The following ZMYM1 variants were observed in gnomAD, a reference collection of about 807,000 sequenced individuals.
ZMYM1 encodes zinc finger MYM-type protein 1.
In ZMYM1, 39 loss-of-function variants were observed where a neutral mutation model predicts 60.0. The observed-to-expected ratio is 0.65, with a 90% CI of 0.50 to 0.85. The LOEUF (loss-of-function observed/expected upper bound fraction) is 0.85, where lower values mean the gene tolerates loss of function less well. Ranked by LOEUF, ZMYM1 falls within the 40% of genes least tolerant of loss-of-function variation. The pLI is 0.00. For synonymous variants in ZMYM1, 413 were observed against 454.0 expected (o/e 0.91, Z 1.15); for missense variants, 1,171 against 1,309.5 (o/e 0.89, Z 1.63).
chr1:35,079,884 G>A (rs1189494305), intron 1 of ZMYM1, among the ~76,000 whole-genome samples: 2 of 152,208 alleles, frequency 1.3e-5, no homozygotes, highest in Admixed American at 6.5e-5. Flanking sequence ...GGCCCAGGCG[G>A]GCGGATCTCT....
At chr1:35,112,582 A>T (rs201299137) in intron 9 of ZMYM1, among the ~76,000 whole-genome samples, 45 of 144,268 alleles carry the variant, frequency 3.1e-4, no homozygotes, top group Middle Eastern at 3.6e-3. Flanking sequence ...ATATATTATA[A>T]TGTATATTTA....
chr1:35,107,001 A>C (rs1422698000), intron 6 of ZMYM1, among the ~76,000 whole-genome samples: 1 of 151,538 alleles, frequency 6.6e-6, no homozygotes, highest in African/African-American at 2.4e-5. Context: ...ACAGGTGCCC[A>C]CCACCACGTC....
chr1:35,117,054 A>G (rs371664507), downstream of ZMYM1, among the ~76,000 whole-genome samples: 13 of 146,406 alleles, frequency 8.9e-5, no homozygotes, highest in Non-Finnish European at 4.5e-5. Flanking sequence ...CGTGGTCTCG[A>G]TCTCCTGACC....
At chr1:35,087,110 G>A (rs1363526343) in intron 1 of ZMYM1, among the ~76,000 whole-genome samples, 1 of 145,368 alleles carries the variant, frequency 6.9e-6, no homozygotes, top group Non-Finnish European at 1.5e-5. Context: ...TCCTGTCTCA[G>A]CCTCCCAAGA....
chr1:35,094,023 G>A lies in ZMYM1; in HGVS notation c.36G>A (p.Lys12=). ...KEPLLGGECD[K]AVASQLGLLD... ...CACTTTTAGGTGGTGAGTGTGACAA[G>A]GCAGTGGCATCACAGCTGGGGCTGC... The change falls in exon 2 of 10, where the codon AAG becomes AAA. Residue 12 remains lysine (K), a synonymous_variant. Coordinates refer to ENST00000359858, the MANE Select transcript of ZMYM1 (RefSeq NM_024772.5). 1 of 1,610,904 alleles carries A rather than the reference G, an allele frequency of 6.2e-7. No individual in the cohort carries two copies.
chr1:35,066,163 G>A (rs181407762), intron 1 of ZMYM1, among the ~76,000 whole-genome samples: 36 of 152,292 alleles, frequency 2.4e-4, no homozygotes, highest in Admixed American at 6.5e-4. Context: ...AAAACCAATT[G>A]TATTTTTATA....
At chr1:35,074,194 T>C (rs1451082446) in intron 1 of ZMYM1, among the ~76,000 whole-genome samples, 1 of 152,214 alleles carries the variant, frequency 6.6e-6, no homozygotes, top group Non-Finnish European at 1.5e-5. Context: ...AAGTTTTTCT[T>C]ATTGTTGATT....
chr1:35,098,021 A>C (rs1383022234), intron 4 of ZMYM1, among the ~76,000 whole-genome samples: 1 of 152,064 alleles, frequency 6.6e-6, no homozygotes, highest in East Asian at 1.9e-4. Context: ...AGTTCCTCTG[A>C]TGGATTCTGT....
chr1:35,082,208 T>C (rs1444045168), intron 1 of ZMYM1, among the ~76,000 whole-genome samples: 1 of 151,370 alleles, frequency 6.6e-6, no homozygotes, highest in Non-Finnish European at 1.5e-5. Context: ...GATCTTGTAT[T>C]ATCCTATAAT....
chr1:35,100,638 A>G lies in ZMYM1; in HGVS notation c.419+3072A>G, dbSNP rs146606607. 3.9e-3 allele frequency among the ~76,000 whole-genome samples: 595 copies of G among 151,072 alleles called. 1 individual carries two copies. The highest frequency in any genetic ancestry group is 6.6e-3 in the Non-Finnish European group (445 of 67,782). ...CCCTGTCTCAAAAAAAAAAAAAAAG[A>G]TGTGACTTGTTCTTGGGAACTTTGT... is the stretch of plus-strand genomic sequence containing the variant. On this transcript the variant is annotated intron_variant, in intron 4 of 9. Transcript: ENST00000359858.
rs537846390 is a variant in ZMYM1 at position 35,108,811 on chromosome 1, A to G, written c.808-1483A>G. Among the ~76,000 whole-genome samples, 75 of 151,124 alleles carry G rather than the reference A, an allele frequency of 5.0e-4. No homozygotes were observed. The South Asian group carries it at 0.011, about 23-fold the overall frequency. ...CTGGAGGCCCAACCTCAGGTGTTCA[A>G]GCAATCCTCCTGCCTCAGCCTCCCA... On this transcript the variant is annotated intron_variant, in intron 6 of 9. Transcript: ENST00000359858.
At position 35,114,844 on chromosome 1, in the gene ZMYM1, TAAATG is replaced by T; in HGVS notation, c.3018_3022del (p.Glu1007AsnfsTer10). ...CTGTTATTTAAATGGAATGAACCAT[TAAATG>T]AAACAACAGCAAAACATGTTCAGGA... On this transcript the variant is annotated frameshift_variant, in exon 10 of 10. Transcript: ENST00000359858. LOFTEE classifies it low-confidence loss of function (END_TRUNC). 1.2e-6 allele frequency: 2 copies of T among 1,606,602 alleles called. No individual in the cohort carries two copies. Among genetic ancestry groups the T allele is most frequent in the Non-Finnish European group, 1.7e-6 (2 of 1,176,394 alleles).
At chr1:35,072,364 T>C (rs1642082773) in intron 1 of ZMYM1, among the ~76,000 whole-genome samples, 1 of 152,210 alleles carries the variant, frequency 6.6e-6, no homozygotes, top group Non-Finnish European at 1.5e-5. Flanking sequence ...GATAGTCTCT[T>C]ATGGTCCTTT....
In ZMYM1 at chr1:35,113,492, A is replaced by G; in HGVS notation, c.1662A>G (p.Leu554=). 1 of 1,610,918 alleles carries G rather than the reference A, an allele frequency of 6.2e-7. No individual in the cohort carries two copies. The highest frequency in any genetic ancestry group is 8.5e-7 in the Non-Finnish European group (1 of 1,179,208). ...AGATTGAGGGAAATAAAAAGTACCTAAAGCTTATAATTGAAAATATTTTAT... is the reference window on the plus strand; with the variant it reads ...AGATTGAGGGAAATAAAAAGTACCTGAAGCTTATAATTGAAAATATTTTAT... ...SKQIEGNKKY[L]KLIIENILFL... The change falls in exon 10 of 10, where the codon CTA becomes CTG. Residue 554 remains leucine, a synonymous_variant. Coordinates refer to ENST00000359858, the MANE Select transcript of ZMYM1 (RefSeq NM_024772.5).
intron 1 of ZMYM1, among the ~76,000 whole-genome samples, chr1:35,090,597 T>C (rs927541369): frequency 3.9e-5 from 6 of 152,196 alleles, no homozygotes; most frequent in Non-Finnish European, 5.9e-5. Flanking sequence ...AAAAGGAATC[T>C]ATTGATTTGG....
At chr1:35,078,714 A>G (rs139896768), upstream of ZMYM1, among the ~76,000 whole-genome samples, 311 of 151,704 alleles carry the variant, frequency 2.1e-3, no homozygotes, top group African/African-American at 7.1e-3. Context: ...ATGCCCGGCT[A>G]ATTTCTGTAT....
intron 1 of ZMYM1, among the ~76,000 whole-genome samples, chr1:35,088,310 C>T (rs942964584): frequency 7.3e-5 from 11 of 151,124 alleles, no homozygotes; most frequent in Admixed American, 2.0e-4. Context: ...CCCAGCTACA[C>T]AGGATGCTCA....
chr1:35,108,902 G>T (rs948351156), intron 6 of ZMYM1, among the ~76,000 whole-genome samples: 40 of 151,802 alleles, frequency 2.6e-4, no homozygotes, highest in Admixed American at 1.8e-3. Flanking sequence ...GTAGAGATGG[G>T]TCTCACTTTG....
At chr1:35,072,715 C>T (rs527768284) in intron 1 of ZMYM1, among the ~76,000 whole-genome samples, 39 of 151,746 alleles carry the variant, frequency 2.6e-4, no homozygotes, top group African/African-American at 8.9e-4. Flanking sequence ...TGGGAGGCCA[C>T]GGAGGGTAGA....
Sources: allele counts gnomAD v4.1 joint callset (sites outside exome capture counted in the v4.1 genomes callset), GRCh38; gene constraint gnomAD v4.1.1; transcripts MANE v1.5; gene names NCBI Gene and HGNC (gene_info 2026-07-23, HGNC 2026-07-21).